Variants in PSD2 observed in about 807,000 individuals in gnomAD.
PSD2 encodes the protein pleckstrin and Sec7 domain containing 2.
In PSD2, 38 loss-of-function variants were observed where a neutral mutation model predicts 69.8. The ratio of observed to expected loss-of-function variants is 0.54; its 90% CI spans 0.42 to 0.71. PSD2 has a LOEUF of 0.71. PSD2 is among the 30% of genes least tolerant of loss of function. The pLI is 0.00. For missense variants in PSD2, 943 were observed against 1,014.5 expected (o/e 0.93, Z 0.96); for synonymous variants, 412 against 423.0 (o/e 0.97, Z 0.32).
At chr5:139,747,611 C>T in the PSD2 span, among the ~76,000 whole-genome samples, 2 of 152,346 alleles carry the variant, frequency 1.3e-5, no homozygotes, top group African/African-American at 4.8e-5. This position sits in a 1 kb window ranked among gnomAD's most constrained non-coding sequence, Gnocchi z 6.7. Flanking sequence ...CCAAAGGGGG[C>T]TCTGAGCGGT....
At chr5:139,766,933 CTTTCTTTCTTTCTTT>C in the PSD2 span, among the ~76,000 whole-genome samples, 232 of 50,962 alleles carry the variant, frequency 4.6e-3, 5 homozygotes, top group African/African-American at 0.011. Context: ...TCCTTCCCTT[CTTTCTTTCTTTCTTT>C]CTTTCTTTCT....
chr5:139,794,858 G>T (rs936842530), upstream of PSD2, among the ~76,000 whole-genome samples: 1 of 152,184 alleles, frequency 6.6e-6, no homozygotes, highest in Non-Finnish European at 1.5e-5. Flanking sequence ...CTCTGCAGGT[G>T]CCTCACAGCC....
upstream of PSD2, among the ~76,000 whole-genome samples, chr5:139,793,292 C>T (rs1355245344): frequency 6.6e-6 from 1 of 152,184 alleles, no homozygotes; most frequent in African/African-American, 2.4e-5. Context: ...GGAACAGTAA[C>T]AATACTCCCC....
In PSD2 at chr5:139,814,697, G is replaced by A. The variant is rs981294042; in HGVS notation, c.1016+333G>A. Among the ~76,000 whole-genome samples, 3 of 152,044 alleles carry A rather than the reference G, an allele frequency of 2.0e-5. No homozygotes were observed. Among genetic ancestry groups the A allele is most frequent in the African/African-American group, 7.2e-5 (3 of 41,386 alleles). On this transcript the variant is annotated intron_variant, in intron 4 of 14. Coordinates refer to ENST00000274710, the MANE Select transcript of PSD2 (RefSeq NM_032289.4). The surrounding 1 kb of genome is among the most constrained non-coding windows in gnomAD (Gnocchi z 4.4). ...AGCAGGAGCTGGGCCCAGCTAATGG[G>A]GCCAGGGAGAAAGGAGAACCCGGGC... is the stretch of plus-strand genomic sequence containing the variant.
the PSD2 span, among the ~76,000 whole-genome samples, chr5:139,772,198 G>A: frequency 2.6e-5 from 4 of 152,150 alleles, no homozygotes; most frequent in Admixed American, 6.5e-5. Flanking sequence ...GTCCTTGAAG[G>A]CAGCACAGGG....
intron 1 of PSD2, among the ~76,000 whole-genome samples, chr5:139,804,857 CTG>C (rs1198096391): frequency 1.3e-5 from 2 of 151,950 alleles, no homozygotes; most frequent in Non-Finnish European, 2.9e-5. Flanking sequence ...CCAGTTCCCT[CTG>C]TGTGTGTGCG....
chr5:139,838,667 C>G lies in PSD2; in HGVS notation c.1863C>G (p.Asn621Lys), dbSNP rs1219611131. The change falls in exon 13 of 15, where the codon AAC becomes AAG. Residue 621 changes from asparagine to lysine, a missense_variant. Around this residue, in one of 3 missense-constraint regions of PSD2, gnomAD observed 312 missense variants for 400.7 expected, o/e 0.78. Coordinates refer to ENST00000274710, the MANE Select transcript of PSD2 (RefSeq NM_032289.4). ...TGCTGTCCTGGATCCTCAGGATCAACCTGGTGGCAGCCATCTTCTCTGCCC... is the reference window on the plus strand; with the variant it reads ...TGCTGTCCTGGATCCTCAGGATCAAGCTGGTGGCAGCCATCTTCTCTGCCC... ...EEMLSWILRI[N>K]LVAAIFSAPA... 2.5e-6 allele frequency: 4 copies of G among 1,614,026 alleles called. No homozygotes were observed. The highest frequency in any genetic ancestry group is 1.1e-5 in the South Asian group (1 of 91,076).
the PSD2 span, among the ~76,000 whole-genome samples, chr5:139,773,429 T>C: frequency 1.3e-3 from 202 of 152,242 alleles, 1 homozygote; most frequent in African/African-American, 4.7e-3. Flanking sequence ...ACCCTGCTTT[T>C]TTTCATTTTT....
the PSD2 span, among the ~76,000 whole-genome samples, chr5:139,785,742 T>A: frequency 1.3e-5 from 2 of 152,136 alleles, no homozygotes; most frequent in African/African-American, 4.8e-5. Context: ...ATTTGTTGAA[T>A]GAATCAGTGA....
chr5:139,768,054 T>A, the PSD2 span, among the ~76,000 whole-genome samples: 1 of 152,222 alleles, frequency 6.6e-6, no homozygotes, highest in Admixed American at 6.5e-5. Context: ...GGCTCAGATA[T>A]CTGGCCCCCC....
chr5:139,796,232 G>A (rs1759522735), intron 1 of PSD2, among the ~76,000 whole-genome samples: 1 of 152,198 alleles, frequency 6.6e-6, no homozygotes, highest in South Asian at 2.1e-4. Flanking sequence ...GAGAGGGGGC[G>A]CCGCGGGAAA....
the PSD2 span, among the ~76,000 whole-genome samples, chr5:139,764,063 A>C: frequency 1.1e-4 from 16 of 152,196 alleles, no homozygotes; most frequent in South Asian, 4.1e-4. Context: ...TGTGAAAAGG[A>C]GTTCTCACAG....
chr5:139,781,359 G>A, the PSD2 span, among the ~76,000 whole-genome samples: 32 of 151,240 alleles, frequency 2.1e-4, no homozygotes, highest in East Asian at 5.2e-3. Context: ...TTTCTGAGAC[G>A]GAGTCTTGCT....
the PSD2 span, among the ~76,000 whole-genome samples, chr5:139,765,635 G>C: frequency 6.6e-6 from 1 of 152,268 alleles, no homozygotes; most frequent in African/African-American, 2.4e-5. Flanking sequence ...CGGCCAGGAG[G>C]GGGAGAGAGC....
chr5:139,811,255 C>T (rs796175980), intron 2 of PSD2, among the ~76,000 whole-genome samples: 30 of 152,312 alleles, frequency 2.0e-4, no homozygotes, highest in African/African-American at 7.2e-4. Flanking sequence ...CCTAATGAGG[C>T]TGCAGTCTCA....
upstream of PSD2, among the ~76,000 whole-genome samples, chr5:139,792,016 CAG>C (rs756688135): frequency 2.6e-5 from 4 of 152,106 alleles, no homozygotes; most frequent in Non-Finnish European, 4.4e-5. Context: ...GCATCCCAGG[CAG>C]AGAGCCTGCC....
At position 139,840,628 on chromosome 5, in the gene PSD2, A is replaced by G. The variant is rs961234393; in HGVS notation, c.2112+458A>G. Among the ~76,000 whole-genome samples, 4 of 149,056 alleles carry G rather than the reference A, an allele frequency of 2.7e-5. No homozygotes were observed. The South Asian group carries it at 6.3e-4, about 24-fold the overall frequency. ...TACAGTGGCACGATCTTGGCTCACT[A>G]TAATCTCTGCCTCCTGGGTTCAAGC... is the stretch of plus-strand genomic sequence containing the variant. On this transcript the variant is annotated intron_variant, in intron 14 of 14. Coordinates refer to ENST00000274710, the MANE Select transcript of PSD2 (RefSeq NM_032289.4).
chr5:139,766,829 T>TTC, the PSD2 span, among the ~76,000 whole-genome samples: 875 of 49,158 alleles, frequency 0.018, 31 homozygotes, highest in African/African-American at 0.06. Flanking sequence ...AGTCCCTTCC[T>TTC]TCTTTCTTTC....
At chr5:139,756,384 CG>C in the PSD2 span, among the ~76,000 whole-genome samples, 1 of 152,216 alleles carries the variant, frequency 6.6e-6, no homozygotes, top group East Asian at 1.9e-4. Flanking sequence ...TGCGCTCCCC[CG>C]GGGTCGGGGC....
Sources: gnomAD v4.1 joint callset for allele counts (sites outside exome capture counted in the v4.1 genomes callset) on GRCh38, gnomAD v4.1.1 for gene constraint, gnomAD v4.1.1 regional missense constraint, Gnocchi (gnomAD v3.1) non-coding constraint, MANE v1.5 for transcripts, NCBI Gene and HGNC (gene_info 2026-07-23, HGNC 2026-07-21) for gene names.